The following TMCO1 variants were observed in gnomAD, a reference collection of about 807,000 sequenced individuals.
The protein encoded by TMCO1 is calcium load-activated calcium channel.
Under a neutral mutation model 29.3 loss-of-function variants are expected in TMCO1, and 29 were observed. That is an observed-to-expected ratio of 0.99 (90% CI 0.74 to 1.35). The LOEUF (loss-of-function observed/expected upper bound fraction) is 1.35. TMCO1 is among the 40% of genes most tolerant of loss of function. The pLI is 0.00. For missense variants in TMCO1, 173 were observed against 225.5 expected (o/e 0.77, Z 1.49); for synonymous variants, 80 against 77.1 (o/e 1.04, Z -0.20).
chr1:165,748,881 G>T (rs1257642198), intron 5 of TMCO1, among the ~76,000 whole-genome samples: 4 of 152,252 alleles, frequency 2.6e-5, no homozygotes, highest in Admixed American at 2.0e-4. Flanking sequence ...GGCAACCATT[G>T]ATCTTTTTAC....
intron 5 of TMCO1, 88 bp downstream of exon 5, chr1:165,752,013 TA>T: frequency 9.5e-7 from 1 of 1,048,010 alleles, no homozygotes; most frequent in Non-Finnish European, 1.4e-6. Context: ...TACATCAAAA[TA>T]AAATATTTTA....
At chr1:165,729,231 T>C (rs536833483) in intron 6 of TMCO1, among the ~76,000 whole-genome samples, 3 of 152,174 alleles carry the variant, frequency 2.0e-5, no homozygotes, top group South Asian at 2.1e-4. Flanking sequence ...CTTTTTCCAT[T>C]GTTTCACCTA....
At chr1:165,742,194 A>G (rs73022513) in intron 6 of TMCO1, among the ~76,000 whole-genome samples, 2,019 of 152,320 alleles carry the variant, frequency 0.013, 53 homozygotes, top group African/African-American at 0.047. Context: ...CCGAACGGCA[A>G]TATGTTCAGA....
At chr1:165,759,754 A>G (rs1292534972) in intron 2 of TMCO1, among the ~76,000 whole-genome samples, 170 bp from the exon 3 acceptor site, 1 of 152,238 alleles carries the variant, frequency 6.6e-6, no homozygotes, top group Non-Finnish European at 1.5e-5. Flanking sequence ...TGATGGTAAA[A>G]GGTAGATACA....
At chr1:165,736,720 C>CA (rs59372599) in intron 6 of TMCO1, among the ~76,000 whole-genome samples, 77,156 of 121,534 alleles carry the variant, frequency 0.63, 21,925 homozygotes, top group East Asian at 0.74. Flanking sequence ...GACTCCATCT[C>CA]AAAAAAAAAA....
intron 6 of TMCO1, among the ~76,000 whole-genome samples, chr1:165,741,095 G>A (rs904381535): frequency 6.6e-6 from 1 of 152,144 alleles, no homozygotes; most frequent in Non-Finnish European, 1.5e-5. Flanking sequence ...CAAACTCAGC[G>A]TGTCTTCTAA....
chr1:165,735,877 C>CT (rs1365703349), intron 6 of TMCO1, among the ~76,000 whole-genome samples: 2 of 152,204 alleles, frequency 1.3e-5, no homozygotes, highest in African/African-American at 4.8e-5. Context: ...ACTAAAATAA[C>CT]TGACCTGAGA....
At chr1:165,764,926 T>C (rs796648231) in intron 2 of TMCO1, among the ~76,000 whole-genome samples, 44 of 152,238 alleles carry the variant, frequency 2.9e-4, no homozygotes, top group African/African-American at 1.0e-3. Flanking sequence ...TAGGTGGTGA[T>C]GGGAGAAATG....
At chr1:165,725,336 T>C (rs1228479311), downstream of TMCO1, 9 of 453,896 alleles carry the variant, frequency 2.0e-5, no homozygotes, top group African/African-American at 6.0e-5. Flanking sequence ...ACTGGCCCCA[T>C]TGGAGAGAAT....
chr1:165,725,662 G>A (rs1251552629), downstream of TMCO1: 4 of 454,070 alleles, frequency 8.8e-6, no homozygotes, highest in Admixed American at 7.0e-5. Context: ...CAATGATCTG[G>A]TGATGCTGTG....
At chr1:165,759,483 T>A (rs1558041416) in intron 3 of TMCO1, 42 bp downstream of exon 3, 3 of 1,462,398 alleles carry the variant, frequency 2.1e-6, no homozygotes, top group Non-Finnish European at 1.9e-6. Context: ...TTAATTTTTT[T>A]AAGAAAACCC....
At chr1:165,740,676 G>A (rs967188376) in intron 6 of TMCO1, among the ~76,000 whole-genome samples, 3 of 152,170 alleles carry the variant, frequency 2.0e-5, no homozygotes, top group Non-Finnish European at 4.4e-5. Flanking sequence ...TGGTTTGAAT[G>A]TGTCCCCGAA....
At chr1:165,751,093 A>G (rs1651977958) in intron 5 of TMCO1, among the ~76,000 whole-genome samples, 1 of 152,126 alleles carries the variant, frequency 6.6e-6, no homozygotes, top group Non-Finnish European at 1.5e-5. Context: ...AAAAGATAAT[A>G]AATTACTATC....
At chr1:165,725,820 T>C (rs1650864191), downstream of TMCO1, 1 of 470,250 alleles carries the variant, frequency 2.1e-6, no homozygotes, top group South Asian at 1.6e-5. Context: ...TATATCTTTG[T>C]TATTGTGCTT....
Position 165,768,836 on chromosome 1 carries a change from G to C in TMCO1, c.-85C>G, listed in dbSNP as rs775863686. 29 of 1,594,250 alleles carry C rather than the reference G, an allele frequency of 1.8e-5. No homozygotes were observed. Among genetic ancestry groups the C allele is most frequent in the Non-Finnish European group, 2.1e-5 (24 of 1,169,674 alleles). On this transcript the variant is annotated 5_prime_UTR_variant, in exon 1 of 7. Transcript: ENST00000367881. Reference sequence around the variant, plus strand: ...AAGTGAAGCGAAAACGGCTTCCGTAGACTCCGCCACCACCGAGTAACAGAC... The same window carrying C: ...AAGTGAAGCGAAAACGGCTTCCGTACACTCCGCCACCACCGAGTAACAGAC...
In TMCO1 at chr1:165,727,424, A is replaced by G. The variant is rs1002766601; in HGVS notation, c.*599T>C. 2.2e-6 allele frequency: 1 copy of G among 453,910 alleles called. No homozygotes were observed. Among genetic ancestry groups the G allele is most frequent in the Non-Finnish European group, 4.4e-6 (1 of 226,782 alleles). The allele number at this position is 453,910 out of a possible 1,614,324, so 28.1% of individuals were successfully genotyped here. A position where few individuals can be genotyped will look rare whatever the true frequency, so the allele number is the denominator to read the frequency against. On this transcript the variant is annotated 3_prime_UTR_variant, in exon 7 of 7. Coordinates refer to ENST00000367881, the MANE Select transcript of TMCO1 (RefSeq NM_019026.6). ...GACAACTCTGTATTTTGAGTATATG[A>G]GTCAAGTATGGCAAAAAGTACAGTA...
At chr1:165,745,982 A>T (rs1261409612) in intron 5 of TMCO1, among the ~76,000 whole-genome samples, 1 of 152,144 alleles carries the variant, frequency 6.6e-6, no homozygotes, top group East Asian at 1.9e-4. Context: ...AATAATATAC[A>T]TAAAAACAAA....
In TMCO1 at chr1:165,768,072, A is replaced by T; in HGVS notation, c.148+120T>A. ...TTTTGCATAAAAGTCTTCTATTTCT[A>T]AATAGGCTTCAAGTCAGGTTCATCT... On this transcript the variant is annotated intron_variant, in intron 2 of 6. Transcript: ENST00000367881. 4.6e-6 allele frequency: 4 copies of T among 870,150 alleles called. No homozygotes were observed. In the South Asian group the frequency reaches 5.6e-5, roughly 12 times the overall value. The allele number at this position is 870,150 out of a possible 1,614,324, so 53.9% of individuals were successfully genotyped here. A position where few individuals can be genotyped will look rare whatever the true frequency, so the allele number is the denominator to read the frequency against.
rs752176040 is a variant in TMCO1, at chr1:165,768,199, ACT to A, written c.139_140del (p.Ser47Ter). ...ATGTGTTGCCATACTCACATTTTTT[ACT>A]CTGTTTTTCCACTTCTGCCTTCAGT... Reference protein sequence around the residue: ...KRLKAEVEKQSKKLEKKKETI... With the variant: ...KRLKAEVEKQXKKLEKKKETI... On this transcript the variant is annotated frameshift_variant, in exon 2 of 7. Transcript: ENST00000367881. LOFTEE classifies it high-confidence loss of function. The A allele has an allele frequency of 2.6e-4, 412 of 1,612,874 alleles. No homozygotes were observed. The highest frequency in any genetic ancestry group is 3.1e-4 in the Non-Finnish European group (366 of 1,179,360).
Sources: gnomAD v4.1 joint callset for allele counts (sites outside exome capture counted in the v4.1 genomes callset) on GRCh38, gnomAD v4.1.1 for gene constraint, MANE v1.5 for transcripts, NCBI Gene and HGNC (gene_info 2026-07-23, HGNC 2026-07-21) for gene names.